Variants in EEF2K observed in about 807,000 individuals in gnomAD.
The protein encoded by EEF2K is alternative protein EEF2K.
In EEF2K, 70 loss-of-function variants were observed where a neutral mutation model predicts 93.8. The ratio of observed to expected loss-of-function variants is 0.75; its 90% confidence interval spans 0.62 to 0.91. The LOEUF is 0.91. Among genes scored for constraint, EEF2K ranks in the 40% least tolerant of loss-of-function variants. The pLI is 0.00. For synonymous variants in EEF2K, 376 were observed against 380.8 expected (o/e 0.99, Z 0.15); for missense variants, 935 against 972.9 (o/e 0.96, Z 0.52).
At chr16:22,231,961 G>T (rs2047119568) in intron 2 of EEF2K, among the ~76,000 whole-genome samples, 1 of 140,986 alleles carries the variant, frequency 7.1e-6, no homozygotes, top group Non-Finnish European at 1.5e-5. Flanking sequence ...TTGCACTCCA[G>T]CCTGGGCAAC....
intron 1 of EEF2K, among the ~76,000 whole-genome samples, chr16:22,219,874 G>T (rs1192143630): frequency 6.6e-6 from 1 of 152,160 alleles, no homozygotes; most frequent in Non-Finnish European, 1.5e-5. Context: ...TCCGCCTCAT[G>T]GTCTAGGGTA....
intron 1 of EEF2K, among the ~76,000 whole-genome samples, chr16:22,218,346 C>T (rs2046978296): frequency 6.6e-6 from 1 of 152,224 alleles, no homozygotes; most frequent in Non-Finnish European, 1.5e-5. Context: ...GTGCATTGGC[C>T]AGCTCGGGGT....
chr16:22,256,831 C>T lies in EEF2K; in HGVS notation c.702C>T (p.Gly234=), dbSNP rs765527994. 3.1e-6 allele frequency: 5 copies of T among 1,614,054 alleles called. No individual in the cohort carries two copies. In the African/African-American group the frequency reaches 6.7e-5, roughly 22 times the overall value. ...TCCACCTGGAGCACTACATCGAGGG[C>T]AAGTACATCAAGTACAACTCCAACT... ...PLFHLEHYIE[G]KYIKYNSNSG... Residue 234 remains glycine (G), a synonymous_variant, in exon 7 of 18, where the codon GGC becomes GGT. Coordinates refer to ENST00000263026, the MANE Select transcript of EEF2K (RefSeq NM_013302.5).
At chr16:22,220,998 C>CAGA (rs1282124184) in intron 1 of EEF2K, among the ~76,000 whole-genome samples, 2 of 152,206 alleles carry the variant, frequency 1.3e-5, no homozygotes, top group African/African-American at 4.8e-5. Context: ...AGGGAAGATT[C>CAGA]TGGTGACAAG....
chr16:22,257,841 C>T (rs1567280753), intron 9 of EEF2K, 71 bp downstream of exon 9: 7 of 1,575,858 alleles, frequency 4.4e-6, no homozygotes, highest in Non-Finnish European at 6.0e-6. Context: ...CCCTGCTCCC[C>T]TGTGTGGTGA....
chr16:22,267,856 G>A (rs1475245480), intron 15 of EEF2K, among the ~76,000 whole-genome samples: 3 of 152,182 alleles, frequency 2.0e-5, no homozygotes, highest in African/African-American at 7.2e-5. Context: ...GTGAGCAGAG[G>A]GAGGAAAGGA....
intron 1 of EEF2K, among the ~76,000 whole-genome samples, chr16:22,207,657 G>A (rs2046876335): frequency 6.6e-6 from 1 of 152,168 alleles, no homozygotes; most frequent in African/African-American, 2.4e-5. Flanking sequence ...GACAGGCTGT[G>A]AAGTCACAGC....
intron 1 of EEF2K, among the ~76,000 whole-genome samples, chr16:22,217,160 C>CAAAAAA (rs59262131): frequency 1.0e-4 from 8 of 76,464 alleles, no homozygotes; most frequent in Non-Finnish European, 1.3e-4. Context: ...GACCCTGTCT[C>CAAAAAA]AAAAAAAAAA....
chr16:22,224,847 C>T (rs4783445), intron 1 of EEF2K, among the ~76,000 whole-genome samples: 5 of 151,152 alleles, frequency 3.3e-5, no homozygotes, highest in South Asian at 2.1e-4. Context: ...CAGCTACGCG[C>T]GAGGCTGAGG....
chr16:22,250,741 C>T (rs1205849859), intron 5 of EEF2K, 50 bp downstream of exon 5: 1 of 1,611,424 alleles, frequency 6.2e-7, no homozygotes. Flanking sequence ...TCCCCCCAGG[C>T]TCCTAAGAGC....
At chr16:22,245,904 A>G (rs2047285052) in intron 3 of EEF2K, among the ~76,000 whole-genome samples, 1 of 152,174 alleles carries the variant, frequency 6.6e-6, no homozygotes, top group African/African-American at 2.4e-5. Context: ...GGACACCAGC[A>G]GATGTGCGTC....
intron 12 of EEF2K, chr16:22,263,435 C>T: frequency 4.5e-6 from 1 of 223,460 alleles, no homozygotes; most frequent in Non-Finnish European, 9.0e-6. Context: ...ATGGTGAAAC[C>T]CCGTCTCTAC....
At chr16:22,256,090 TTTTA>T (rs1281865801) in intron 6 of EEF2K, among the ~76,000 whole-genome samples, 5 of 151,762 alleles carry the variant, frequency 3.3e-5, no homozygotes, top group Admixed American at 1.3e-4. Flanking sequence ...ATTTTTGTAT[TTTTA>T]TTTTATTAAT....
chr16:22,225,575 C>G lies in EEF2K; in HGVS notation c.-76-79C>G, dbSNP rs1304281580. Reference sequence around the variant, plus strand: ...GGGTGCCAGCTCCTGCGATAGCCTGCAGCATTTGGGGTGAGGGTCGGGCGA... The same window carrying G: ...GGGTGCCAGCTCCTGCGATAGCCTGGAGCATTTGGGGTGAGGGTCGGGCGA... On this transcript the variant is annotated intron_variant, in intron 1 of 17. Transcript: ENST00000263026. 3 of 1,171,120 alleles carry G rather than the reference C, an allele frequency of 2.6e-6. No individual in the cohort carries two copies. The East Asian group carries it at 7.6e-5, about 30-fold the overall frequency. 72.5% of individuals were successfully genotyped at this position (1,171,120 alleles called of 1,614,324 possible).
chr16:22,284,789 C>T lies in EEF2K; in HGVS notation c.*793C>T, dbSNP rs769099415. 8 of 152,022 alleles carry T rather than the reference C, an allele frequency of 5.3e-5. No homozygotes were observed. Among genetic ancestry groups the T allele is most frequent in the African/African-American group, 7.2e-5 (3 of 41,380 alleles). The allele number at this position is 152,022 out of a possible 1,614,324, so 9.4% of individuals were successfully genotyped here. On this transcript the variant is annotated 3_prime_UTR_variant, in exon 18 of 18. Transcript: ENST00000263026. ...ACGCTGGCTTTCCTAAGTCACGGGG[C>T]GTGTATTGCCGTGGCTTAGTGCAAA...
At chr16:22,225,621 G>T in intron 1 of EEF2K, 33 bp from the exon 2 acceptor site, 1 of 1,511,564 alleles carries the variant, frequency 6.6e-7, no homozygotes, top group Non-Finnish European at 8.8e-7. Context: ...CTGGGCCCCA[G>T]CACCCACTCT....
chr16:22,219,589 T>C (rs994876397), intron 1 of EEF2K, among the ~76,000 whole-genome samples: 9 of 152,096 alleles, frequency 5.9e-5, no homozygotes, highest in African/African-American at 1.2e-4. Context: ...GATTGCACAA[T>C]TTTACTCCAG....
chr16:22,232,741 G>C (rs2047128568), intron 2 of EEF2K, among the ~76,000 whole-genome samples: 1 of 152,126 alleles, frequency 6.6e-6, no homozygotes, highest in Admixed American at 6.6e-5. Context: ...TGTGTGGACG[G>C]GAGTTGGCAC....
chr16:22,234,097 C>T lies in EEF2K; in HGVS notation c.246+8122C>T, dbSNP rs144173818. Among the ~76,000 whole-genome samples, 199 of 152,328 alleles carry T rather than the reference C, an allele frequency of 1.3e-3. 1 individual carries two copies. The highest frequency in any genetic ancestry group is 3.8e-3 in the African/African-American group (159 of 41,576). On this transcript the variant is annotated intron_variant, in intron 2 of 17. Transcript: ENST00000263026. ...GGCGTGCCCACCAGAGGACCCCCCC[C>T]AGAGGTGAACTGGCTAGGCAAAACG...
Sources: gnomAD v4.1 joint callset for allele counts (sites outside exome capture counted in the v4.1 genomes callset) on GRCh38, gnomAD v4.1.1 for gene constraint, MANE v1.5 for transcripts, NCBI Gene and HGNC (gene_info 2026-07-23, HGNC 2026-07-21) for gene names.